The following MARCHF1 variants were observed in gnomAD, a reference collection of about 807,000 sequenced individuals.
MARCHF1 encodes the protein E3 ubiquitin-protein ligase MARCHF1.
In MARCHF1, 40 loss-of-function variants were observed where a neutral mutation model predicts 54.2. That is an observed-to-expected ratio of 0.74 (90% CI 0.57 to 0.96). The LOEUF is 0.96. Ranked by LOEUF, MARCHF1 falls within the 40% of genes least tolerant of loss-of-function variation. The pLI is 0.00. For synonymous variants in MARCHF1, 236 were observed against 236.3 expected, an observed-to-expected ratio of 1.00 and a Z score of 0.01; for missense variants, 586 against 656.5, an observed-to-expected ratio of 0.89 and a Z score of 1.17.
rs745421999 is a variant in MARCHF1 at position 164,173,483 on chromosome 4, T to C, written c.-322-61821A>G. Among the ~76,000 whole-genome samples, 29 of 152,196 alleles carry C rather than the reference T, an allele frequency of 1.9e-4. 1 individual carries two copies. Among genetic ancestry groups the C allele is most frequent in the Non-Finnish European group, 3.1e-4 (21 of 68,036 alleles). On this transcript the variant is annotated intron_variant, in intron 1 of 9. Transcript: ENST00000514618. ...AATAATGGCAGACGCAATTCAATAT[T>C]GTTTGGATGTGTTTCCCCTCCAAAT...
chr4:163,760,155 C>G (rs1297986417), intron 4 of MARCHF1, among the ~76,000 whole-genome samples: 3 of 152,146 alleles, frequency 2.0e-5, no homozygotes. Context: ...CATTCTTTGG[C>G]CTGTGTCTCC....
chr4:163,808,727 C>T (rs1427712713), intron 4 of MARCHF1, among the ~76,000 whole-genome samples: 2 of 152,008 alleles, frequency 1.3e-5, no homozygotes, highest in East Asian at 3.9e-4. Flanking sequence ...TGCCACCATG[C>T]CTGGCTAATT....
chr4:163,798,261 A>C (rs72685625), intron 4 of MARCHF1, among the ~76,000 whole-genome samples: 6,148 of 152,274 alleles, frequency 0.04, 168 homozygotes, highest in South Asian at 0.075. Flanking sequence ...CATTGTGAGG[A>C]TAAAGCAAGA....
At chr4:164,177,600 A>G (rs529646307) in intron 1 of MARCHF1, among the ~76,000 whole-genome samples, 1 of 152,218 alleles carries the variant, frequency 6.6e-6, no homozygotes, top group African/African-American at 2.4e-5. Flanking sequence ...GAGAATGCAG[A>G]CTTACTGGAT....
chr4:163,754,318 C>G (rs1746603982), intron 4 of MARCHF1, among the ~76,000 whole-genome samples: 1 of 152,180 alleles, frequency 6.6e-6, no homozygotes, highest in South Asian at 2.1e-4. Flanking sequence ...GGCTTCTCCC[C>G]TTTCAGATCA....
At chr4:164,214,932 G>A (rs1237768899) in intron 1 of MARCHF1, among the ~76,000 whole-genome samples, 6 of 152,046 alleles carry the variant, frequency 3.9e-5, no homozygotes, top group Non-Finnish European at 8.8e-5. Context: ...CAGTGCCCCC[G>A]CCGCTCAAAC....
rs1417892644 is a variant in MARCHF1 at position 163,831,347 on chromosome 4, A to G, written c.111+22674T>C. Among the ~76,000 whole-genome samples, 3 of 152,274 alleles carry G rather than the reference A, an allele frequency of 2.0e-5. No homozygotes were observed. In the East Asian group the frequency reaches 5.8e-4, roughly 29 times the overall value. On this transcript the variant is annotated intron_variant, in intron 4 of 9. Transcript: ENST00000514618. ...GCCTATAATCCCAGCACTTTGGGAA[A>G]TGGAGGTGGGAGGGTAACTCGAGGC...
chr4:164,149,225 T>C (rs927411433), intron 1 of MARCHF1, among the ~76,000 whole-genome samples: 1 of 152,188 alleles, frequency 6.6e-6, no homozygotes, highest in Non-Finnish European at 1.5e-5. Context: ...TTGTACATCC[T>C]GCAGAACTGT....
chr4:163,756,605 C>T (rs59373698), intron 4 of MARCHF1, among the ~76,000 whole-genome samples: 11 of 125,044 alleles, frequency 8.8e-5, no homozygotes, highest in African/African-American at 3.4e-4. Context: ...GTACTCCAGC[C>T]TGGGCGACAG....
At chr4:163,658,655 C>T (rs1743234789) in intron 5 of MARCHF1, among the ~76,000 whole-genome samples, 2 of 151,922 alleles carry the variant, frequency 1.3e-5, no homozygotes, top group Non-Finnish European at 1.5e-5. Flanking sequence ...ATGGATGGAG[C>T]TGGAAGTCAT....
chr4:164,360,766 C>G (rs1446143640), intron 1 of MARCHF1, among the ~76,000 whole-genome samples: 2 of 152,052 alleles, frequency 1.3e-5, no homozygotes, highest in Non-Finnish European at 2.9e-5. Flanking sequence ...TTGCAATTGT[C>G]ATTTTCATAT....
chr4:163,651,987 T>C (rs1742984846), intron 5 of MARCHF1, among the ~76,000 whole-genome samples: 1 of 151,790 alleles, frequency 6.6e-6, no homozygotes, highest in South Asian at 2.1e-4. Flanking sequence ...TCTTAGATAA[T>C]ATGCCTGACT....
chr4:164,380,781 C>A (rs1731343191), intron 1 of MARCHF1, among the ~76,000 whole-genome samples: 1 of 152,132 alleles, frequency 6.6e-6, no homozygotes, highest in Non-Finnish European at 1.5e-5. Flanking sequence ...ATGCAAAAAC[C>A]TTTCAGCCAA....
chr4:163,739,115 T>C (rs17044064), intron 4 of MARCHF1, among the ~76,000 whole-genome samples: 3,748 of 152,310 alleles, frequency 0.025, 156 homozygotes, highest in African/African-American at 0.084. Context: ...TTTATAGCAT[T>C]TTGGCTTTCA....
At chr4:164,051,627 G>T (rs1042310834) in intron 2 of MARCHF1, among the ~76,000 whole-genome samples, 1 of 152,080 alleles carries the variant, frequency 6.6e-6, no homozygotes, top group African/African-American at 2.4e-5. Context: ...TACTATAAGA[G>T]GTGTCTACAA....
chr4:163,549,443 C>G (rs17043787), intron 8 of MARCHF1, among the ~76,000 whole-genome samples: 20,491 of 152,004 alleles, frequency 0.13, 1,945 homozygotes, highest in Admixed American at 0.23. Flanking sequence ...GGAGAAGGAA[C>G]GCACGACAGC....
intron 1 of MARCHF1, among the ~76,000 whole-genome samples, chr4:164,149,063 T>A (rs566631484): frequency 1.3e-5 from 2 of 152,294 alleles, no homozygotes; most frequent in African/African-American, 4.8e-5. Flanking sequence ...GTTTTTACCC[T>A]ATGAGTTCAT....
chr4:163,629,314 C>A (rs1044666309), intron 5 of MARCHF1, among the ~76,000 whole-genome samples: 2 of 152,104 alleles, frequency 1.3e-5, no homozygotes, highest in African/African-American at 2.4e-5. Flanking sequence ...GGAAAGGGGT[C>A]CCTATGTAAT....
At position 164,346,604 on chromosome 4, in the gene MARCHF1, GTATATATATATATATATA is replaced by G. The variant is rs56936775; in HGVS notation, c.-323+37248_-323+37265del. Among the ~76,000 whole-genome samples the G allele has an allele frequency of 4.3e-3, 181 of 42,488 alleles. 2 individuals carry two copies. Among genetic ancestry groups the G allele is most frequent in the South Asian group, 0.013 (13 of 1,038 alleles). The allele number at this position is 42,488 out of a possible 152,430, so 27.9% of individuals were successfully genotyped here. A position where few individuals can be genotyped will look rare whatever the true frequency, so the allele number is the denominator to read the frequency against. ...TGTCCTCAAACCTGTATGTATGTAT[GTATATATATATATATATA>G]TATATATATATATATATATATATAT... On this transcript the variant is annotated intron_variant, in intron 1 of 9. Transcript: ENST00000514618.
Sources: allele counts gnomAD v4.1 joint callset (sites outside exome capture counted in the v4.1 genomes callset), GRCh38; gene constraint gnomAD v4.1.1; transcripts MANE v1.5; gene names NCBI Gene and HGNC (gene_info 2026-07-23, HGNC 2026-07-21).